Variants in RPH3A observed in about 807,000 individuals in gnomAD.
The protein encoded by RPH3A is rabphilin 3A.
Under a neutral mutation model 102.2 loss-of-function variants are expected in RPH3A, and 48 were observed. The observed-to-expected ratio is 0.47, with a 90% CI of 0.37 to 0.60. RPH3A has a LOEUF of 0.60. Ranked by LOEUF, RPH3A falls within the 20% of genes least tolerant of loss-of-function variation. The probability of loss-of-function intolerance (pLI) is 0.00; values close to 1 mark genes in which losing one functional copy is unlikely to be tolerated. For missense variants in RPH3A, 781 were observed against 910.1 expected (o/e 0.86, Z 1.83); for synonymous variants, 310 against 324.3 (o/e 0.96, Z 0.47).
intron 1 of RPH3A, among the ~76,000 whole-genome samples, chr12:112,688,491 A>G (rs754367607): frequency 3.9e-5 from 6 of 152,166 alleles, no homozygotes; most frequent in Admixed American, 2.0e-4. Flanking sequence ...AGAATATTCC[A>G]TCATGTTCTT....
chr12:112,740,857 T>G (rs2136054586), intron 1 of RPH3A, among the ~76,000 whole-genome samples: 1 of 152,316 alleles, frequency 6.6e-6, no homozygotes, highest in South Asian at 2.1e-4. Flanking sequence ...ATGTCTCCTG[T>G]TCCTCCACAC....
At chr12:112,742,895 T>A (rs1199027964) in intron 1 of RPH3A, among the ~76,000 whole-genome samples, 1 of 152,196 alleles carries the variant, frequency 6.6e-6, no homozygotes, top group Non-Finnish European at 1.5e-5. Context: ...CAGGGCTGTG[T>A]TCCTCCTGGA....
chr12:112,858,885 A>T (rs1286358686), intron 5 of RPH3A, among the ~76,000 whole-genome samples: 1 of 152,128 alleles, frequency 6.6e-6, no homozygotes. Context: ...GGGAATTGGG[A>T]TGTGCCCACC....
intron 1 of RPH3A, among the ~76,000 whole-genome samples, chr12:112,622,033 A>G (rs987452986): frequency 6.6e-6 from 1 of 151,014 alleles, no homozygotes; most frequent in Non-Finnish European, 1.5e-5. Context: ...AACAGAAAGG[A>G]CATCCACACC....
At chr12:112,721,892 TC>T (rs1226806409) in intron 1 of RPH3A, among the ~76,000 whole-genome samples, 1 of 152,180 alleles carries the variant, frequency 6.6e-6, no homozygotes, top group Non-Finnish European at 1.5e-5. Flanking sequence ...TTCATGCATT[TC>T]CAAGTTCCAT....
At chr12:112,671,461 C>G (rs145645844) in intron 1 of RPH3A, among the ~76,000 whole-genome samples, 177 of 152,302 alleles carry the variant, frequency 1.2e-3, no homozygotes, top group East Asian at 8.9e-3. Context: ...CATACCTCTT[C>G]CCTTTAAAAT....
intron 1 of RPH3A, among the ~76,000 whole-genome samples, chr12:112,664,543 G>C (rs1304183855): frequency 6.6e-6 from 1 of 152,160 alleles, no homozygotes; most frequent in Non-Finnish European, 1.5e-5. Flanking sequence ...CTAGAAGCCT[G>C]GAAGAGGTAA....
intron 4 of RPH3A, among the ~76,000 whole-genome samples, chr12:112,844,116 C>G (rs972179030): frequency 6.6e-6 from 1 of 152,212 alleles, no homozygotes; most frequent in African/African-American, 2.4e-5. Context: ...TGATCCCCAC[C>G]TCTTGGTGTT....
At chr12:112,728,963 C>A (rs1453309738) in intron 1 of RPH3A, among the ~76,000 whole-genome samples, 1 of 152,102 alleles carries the variant, frequency 6.6e-6, no homozygotes. Context: ...TTTATGGCTT[C>A]TTCTGGTCAT....
intron 2 of RPH3A, among the ~76,000 whole-genome samples, chr12:112,804,451 A>T (rs2041418542): frequency 6.6e-6 from 1 of 152,192 alleles, no homozygotes; most frequent in Non-Finnish European, 1.5e-5. Context: ...GGAAAGTTGA[A>T]ACCACACCCC....
chr12:112,842,066 C>A, intron 4 of RPH3A: 1 of 455,732 alleles, frequency 2.2e-6, no homozygotes, highest in South Asian at 1.6e-5. Context: ...CCAGGCTGTG[C>A]GTTTTGTTTC....
At chr12:112,799,378 AC>A (rs1486330933) in intron 2 of RPH3A, among the ~76,000 whole-genome samples, 1 of 152,120 alleles carries the variant, frequency 6.6e-6, no homozygotes, top group African/African-American at 2.4e-5. Context: ...ACAGGGTGAG[AC>A]CCTGTGTCTA....
chr12:112,898,287 T>C lies in RPH3A; in HGVS notation c.*1507T>C, dbSNP rs1230007508. The C allele has an allele frequency of 6.6e-6, 1 of 152,224 alleles. No homozygotes were observed. The highest frequency in any genetic ancestry group is 1.5e-5 in the Non-Finnish European group (1 of 68,042). The allele number at this position is 152,224 out of a possible 1,614,324, so 9.4% of individuals were successfully genotyped here. On this transcript the variant is annotated 3_prime_UTR_variant, in exon 22 of 22. Transcript: ENST00000389385. ...CAAATTTGAGGTTGAAGTCAGGCAA[T>C]CTTCAATGCCCTGTGAGAAAGGTTC... is the stretch of plus-strand genomic sequence containing the variant.
chr12:112,898,437 CTT>C lies in RPH3A; in HGVS notation c.*1658_*1659del, dbSNP rs760759216. On this transcript the variant is annotated 3_prime_UTR_variant, in exon 22 of 22. Transcript: ENST00000389385. ...CTCTCACTTTCCCCAAATCACATCT[CTT>C]AACTTTTCAACGCCCTCCACCCTCA... The C allele has an allele frequency of 6.6e-6, 1 of 152,266 alleles. No individual in the cohort carries two copies. Among genetic ancestry groups the C allele is most frequent in the Non-Finnish European group, 1.5e-5 (1 of 68,076 alleles). The allele number at this position is 152,266 out of a possible 1,614,324, so 9.4% of individuals were successfully genotyped here.
intron 1 of RPH3A, among the ~76,000 whole-genome samples, chr12:112,655,563 CTTTTTTTT>C (rs71086113): frequency 1.8e-5 from 1 of 55,570 alleles, no homozygotes; most frequent in East Asian, 6.7e-4. Context: ...TTTTGTTGGT[CTTTTTTTT>C]TTTTTTTTTT....
At chr12:112,620,706 C>T (rs2135980027) in intron 1 of RPH3A, among the ~76,000 whole-genome samples, 1 of 152,302 alleles carries the variant, frequency 6.6e-6, no homozygotes, top group South Asian at 2.1e-4. Flanking sequence ...CTGATATTCA[C>T]TCTCTCGACA....
chr12:112,825,525 G>A (rs1161927159), intron 2 of RPH3A, among the ~76,000 whole-genome samples: 1 of 151,960 alleles, frequency 6.6e-6, no homozygotes, highest in African/African-American at 2.4e-5. Context: ...TCTCCACGTG[G>A]TCTCTCCCCC....
At chr12:112,665,955 G>T (rs539945034) in intron 1 of RPH3A, among the ~76,000 whole-genome samples, 40 of 152,320 alleles carry the variant, frequency 2.6e-4, no homozygotes, top group African/African-American at 8.9e-4. Context: ...TACAGCCTTT[G>T]AGGCAGGCAC....
chr12:112,810,279 G>C (rs1054108863), intron 2 of RPH3A, among the ~76,000 whole-genome samples: 3 of 152,136 alleles, frequency 2.0e-5, no homozygotes, highest in African/African-American at 7.2e-5. Context: ...CCCTATCAGT[G>C]ACTGATTTTA....
Sources: gnomAD v4.1 joint callset for allele counts (sites outside exome capture counted in the v4.1 genomes callset) on GRCh38, gnomAD v4.1.1 for gene constraint, MANE v1.5 for transcripts, NCBI Gene and HGNC (gene_info 2026-07-23, HGNC 2026-07-21) for gene names.